Variants in ADCY1 observed in about 807,000 individuals in gnomAD.
The protein encoded by ADCY1 is adenylate cyclase 1.
Under a neutral mutation model 105.4 loss-of-function variants are expected in ADCY1, and 28 were observed. The ratio of observed to expected loss-of-function variants is 0.27; its 90% CI spans 0.20 to 0.36. The LOEUF is 0.36. Ranked by LOEUF, ADCY1 falls within the 10% of genes least tolerant of loss-of-function variation. The pLI, the probability that ADCY1 is intolerant of heterozygous loss-of-function variation, is 1.00. For synonymous variants in ADCY1, 655 were observed against 623.8 expected (o/e 1.05, Z -0.75); for missense variants, 977 against 1,434.2 (o/e 0.68, Z 5.15).
chr7:45,682,971 C>T (rs1023150813), intron 11 of ADCY1, among the ~76,000 whole-genome samples: 6 of 152,138 alleles, frequency 3.9e-5, no homozygotes, highest in East Asian at 1.9e-4. Context: ...TGAGTGCAGA[C>T]GGTCAGGAAA....
intron 3 of ADCY1, among the ~76,000 whole-genome samples, chr7:45,618,962 A>G (rs1793815218): frequency 6.6e-6 from 1 of 152,210 alleles, no homozygotes; most frequent in South Asian, 2.1e-4. Context: ...GAATCATCCT[A>G]AGTGTCCAAC....
chr7:45,655,037 G>A (rs1270014659), intron 5 of ADCY1, among the ~76,000 whole-genome samples: 1 of 152,146 alleles, frequency 6.6e-6, no homozygotes, highest in East Asian at 1.9e-4. Context: ...ACAGTAAATC[G>A]GCCTCTATGG....
rs992621782 is a variant in ADCY1, at chr7:45,575,993, T to C, written c.639+811T>C. ...AGGTCTTTGCCCCACGGCGGGGCTT[T>C]GAGAGCTTCCCCTTGTGCCCATCTC... On this transcript the variant is annotated intron_variant, in intron 1 of 19. Coordinates refer to ENST00000297323, the MANE Select transcript of ADCY1 (RefSeq NM_021116.4). This position sits in a 1 kb window ranked among gnomAD's most constrained non-coding sequence, Gnocchi z 4.7. Among the ~76,000 whole-genome samples, 1 of 152,166 alleles carries C rather than the reference T, an allele frequency of 6.6e-6. No homozygotes were observed. Among genetic ancestry groups the C allele is most frequent in the African/African-American group, 2.4e-5 (1 of 41,450 alleles).
chr7:45,595,739 T>C (rs1793054477), intron 2 of ADCY1, among the ~76,000 whole-genome samples: 1 of 152,234 alleles, frequency 6.6e-6, no homozygotes, highest in African/African-American at 2.4e-5. Context: ...CTCTGTTGCT[T>C]CATAGCTGAG....
At chr7:45,689,949 CAG>C (rs1562725358) in intron 14 of ADCY1, among the ~76,000 whole-genome samples, 1 of 152,254 alleles carries the variant, frequency 6.6e-6, no homozygotes, top group Non-Finnish European at 1.5e-5. Context: ...AGTCCAATCA[CAG>C]GGGCCAGTGC....
In ADCY1 at chr7:45,674,767, A is replaced by T. The variant is rs1198801846; in HGVS notation, c.1606-3102A>T. On this transcript the variant is annotated intron_variant, in intron 8 of 19. Transcript: ENST00000297323. ...TAGGATTTCTATGTCTTCCTTTTACATTGACTCTTTAATCATTTTGTAATG... is the reference window on the plus strand; with the variant it reads ...TAGGATTTCTATGTCTTCCTTTTACTTTGACTCTTTAATCATTTTGTAATG... Among the ~76,000 whole-genome samples, 4 of 152,220 alleles carry T rather than the reference A, an allele frequency of 2.6e-5. No individual in the cohort carries two copies. The East Asian group carries it at 7.7e-4, about 29-fold the overall frequency.
Position 45,591,426 on chromosome 7 carries a change from G to A in ADCY1, c.640-1333G>A, listed in dbSNP as rs887790591. Among the ~76,000 whole-genome samples, 13 of 152,220 alleles carry A rather than the reference G, an allele frequency of 8.5e-5. No individual in the cohort carries two copies. Among genetic ancestry groups the A allele is most frequent in the African/African-American group, 3.1e-4 (13 of 41,456 alleles). On this transcript the variant is annotated intron_variant, in intron 1 of 19. Coordinates refer to ENST00000297323, the MANE Select transcript of ADCY1 (RefSeq NM_021116.4). This position sits in a 1 kb window ranked among gnomAD's most constrained non-coding sequence, Gnocchi z 4.1. ...GCAGCTGCTCCCCACACTACTGTGT[G>A]AGTTTGTTTTTGATTTTAGTTCTGT...
At chr7:45,649,863 G>C (rs910745666) in intron 5 of ADCY1, among the ~76,000 whole-genome samples, 2 of 152,236 alleles carry the variant, frequency 1.3e-5, no homozygotes, top group Non-Finnish European at 1.5e-5. Context: ...TCCACCTCAA[G>C]AGCCCGAGGT....
At chr7:45,699,727 A>G (rs930498873) in intron 14 of ADCY1, among the ~76,000 whole-genome samples, 1 of 151,846 alleles carries the variant, frequency 6.6e-6, no homozygotes, top group Non-Finnish European at 1.5e-5. Context: ...GTTGCTGCCT[A>G]CTCCTGGTAC....
At chr7:45,645,965 C>G (rs1259296690) in intron 4 of ADCY1, among the ~76,000 whole-genome samples, 1 of 149,900 alleles carries the variant, frequency 6.7e-6, no homozygotes, top group Non-Finnish European at 1.5e-5. Context: ...GTTGTGAGTG[C>G]TCACGGGGTT....
chr7:45,679,843 T>C, intron 11 of ADCY1, 50 bp downstream of exon 11: 4 of 1,597,152 alleles, frequency 2.5e-6, no homozygotes, highest in Non-Finnish European at 3.4e-6. Flanking sequence ...GGTTCATGTA[T>C]GTGAGTGGCC....
chr7:45,689,078 A>G (rs1028385847), intron 14 of ADCY1, among the ~76,000 whole-genome samples: 4 of 150,030 alleles, frequency 2.7e-5, no homozygotes, highest in Non-Finnish European at 3.0e-5. Flanking sequence ...CAGATTCCTG[A>G]GGGACTCATG....
rs11525815 is a variant in ADCY1, at chr7:45,617,334, C to T, written c.909-5298C>T. Reference sequence around the variant, plus strand: ...CAGGATGTGAATTGCTATGGAGTCTCGGTCTTGAGTTGGGTGCGGGCTTGT... The same window carrying T: ...CAGGATGTGAATTGCTATGGAGTCTTGGTCTTGAGTTGGGTGCGGGCTTGT... On this transcript the variant is annotated intron_variant, in intron 3 of 19. Coordinates refer to ENST00000297323, the MANE Select transcript of ADCY1 (RefSeq NM_021116.4). 4.9e-4 allele frequency among the ~76,000 whole-genome samples: 74 copies of T among 152,194 alleles called. No individual in the cohort carries two copies. In the East Asian group the frequency reaches 0.013, roughly 26 times the overall value.
At chr7:45,679,601 C>T in intron 10 of ADCY1, 108 bp from the exon 11 acceptor site, 1 of 1,083,778 alleles carries the variant, frequency 9.2e-7, no homozygotes, top group Non-Finnish European at 1.4e-6. Flanking sequence ...GCTGCTTCCT[C>T]CTGAGAGCAC....
At chr7:45,662,525 A>T (rs893245291) in intron 8 of ADCY1, among the ~76,000 whole-genome samples, 1 of 152,176 alleles carries the variant, frequency 6.6e-6, no homozygotes, top group Non-Finnish European at 1.5e-5. Flanking sequence ...CATTCTGGAC[A>T]GATGTGCTAG....
intron 14 of ADCY1, among the ~76,000 whole-genome samples, chr7:45,694,696 C>T (rs1290713473): frequency 6.6e-6 from 1 of 152,118 alleles, no homozygotes; most frequent in Non-Finnish European, 1.5e-5. Flanking sequence ...GGATACAGAT[C>T]CTTTGGGTCT....
intron 3 of ADCY1, among the ~76,000 whole-genome samples, chr7:45,620,301 A>G (rs1197928460): frequency 3.9e-5 from 6 of 152,314 alleles, no homozygotes; most frequent in Admixed American, 3.9e-4. Context: ...CTGCTGTACA[A>G]TATTTTACCT....
At chr7:45,574,281 G>A, upstream of ADCY1, 1 of 351,662 alleles carries the variant, frequency 2.8e-6, no homozygotes, top group Middle Eastern at 1.5e-3. This position sits in a 1 kb window ranked among gnomAD's most constrained non-coding sequence, Gnocchi z 7.0. Flanking sequence ...CGGCTCCCGG[G>A]GCTCGGCTGT....
intron 2 of ADCY1, among the ~76,000 whole-genome samples, chr7:45,596,304 C>A (rs1387352633): frequency 6.6e-6 from 1 of 152,000 alleles, no homozygotes; most frequent in East Asian, 1.9e-4. Flanking sequence ...CCAGGCAACA[C>A]AACGGGTGAT....
Sources: allele counts gnomAD v4.1 joint callset (sites outside exome capture counted in the v4.1 genomes callset), GRCh38; gene constraint gnomAD v4.1.1; non-coding constraint Gnocchi (gnomAD v3.1); transcripts MANE v1.5; gene names NCBI Gene and HGNC (gene_info 2026-07-23, HGNC 2026-07-21).